The following BMPR1B variants were observed in gnomAD, a reference collection of about 807,000 sequenced individuals.
The protein encoded by BMPR1B is bone morphogenetic protein receptor type-1B.
Under a neutral mutation model 59.1 loss-of-function variants are expected in BMPR1B, and 12 were observed. That is an observed-to-expected ratio of 0.20 (90% CI 0.13 to 0.33). The LOEUF (loss-of-function observed/expected upper bound fraction) is 0.33. Among genes scored for constraint, BMPR1B ranks in the 10% least tolerant of loss-of-function variants. The probability of loss-of-function intolerance (pLI) is 1.00; values close to 1 mark genes in which losing one functional copy is unlikely to be tolerated. For synonymous variants in BMPR1B, 237 were observed against 207.3 expected, an observed-to-expected ratio of 1.14 and a Z score of -1.23; for missense variants, 550 against 610.9, an observed-to-expected ratio of 0.90 and a Z score of 1.05.
At chr4:95,090,797 A>C (rs545420019) in intron 3 of BMPR1B, among the ~76,000 whole-genome samples, 2 of 152,102 alleles carry the variant, frequency 1.3e-5, no homozygotes, top group Non-Finnish European at 2.9e-5. Flanking sequence ...TTTTAACCAT[A>C]TATGATGAAT....
At chr4:94,924,485 T>C (rs1179578946) in intron 2 of BMPR1B, among the ~76,000 whole-genome samples, 3 of 152,116 alleles carry the variant, frequency 2.0e-5, no homozygotes, top group African/African-American at 7.2e-5. Flanking sequence ...CCATCACTGC[T>C]CTCAAAACAA....
intron 3 of BMPR1B, among the ~76,000 whole-genome samples, chr4:95,077,309 C>T (rs1326273505): frequency 3.9e-5 from 6 of 152,082 alleles, no homozygotes; most frequent in Admixed American, 6.6e-5. Context: ...CTTAGCTCCA[C>T]CTTAAGACCC....
chr4:94,851,816 A>C (rs1023770879), intron 1 of BMPR1B, among the ~76,000 whole-genome samples: 19 of 152,308 alleles, frequency 1.2e-4, no homozygotes, highest in Non-Finnish European at 1.8e-4. Context: ...AAAATAAGGA[A>C]CCACAAGCAT....
chr4:94,984,280 A>G (rs1180822735), intron 2 of BMPR1B, among the ~76,000 whole-genome samples: 1 of 152,196 alleles, frequency 6.6e-6, no homozygotes, highest in Non-Finnish European at 1.5e-5. Flanking sequence ...ATTCAGATAG[A>G]TGCATTTTCC....
chr4:94,825,973 C>T (rs114991307), intron 1 of BMPR1B, among the ~76,000 whole-genome samples: 42 of 152,150 alleles, frequency 2.8e-4, no homozygotes, highest in African/African-American at 9.1e-4. Context: ...TTTTGCATTA[C>T]AGATATTACT....
rs143364715 is a variant in BMPR1B, at chr4:94,784,022, CCTT to C, written c.-183+25958_-183+25960del. On this transcript the variant is annotated intron_variant, in intron 1 of 12. Coordinates refer to ENST00000515059, the MANE Select transcript of BMPR1B (RefSeq NM_001203.3). ...ATGCTCAGAGACCATAGACTCTCAACCTTCTTACCAAGATTTAGTATGCTTCCT... is the reference window on the plus strand; with the variant it reads ...ATGCTCAGAGACCATAGACTCTCAACCTTACCAAGATTTAGTATGCTTCCT... 8.0e-3 allele frequency among the ~76,000 whole-genome samples: 1,220 copies of C among 152,260 alleles called. 13 individuals are homozygous for C. Among genetic ancestry groups the C allele is most frequent in the African/African-American group, 0.028 (1,167 of 41,530 alleles).
intron 1 of BMPR1B, among the ~76,000 whole-genome samples, chr4:94,764,854 C>T (rs1721910776): frequency 6.6e-6 from 1 of 152,056 alleles, no homozygotes; most frequent in African/African-American, 2.4e-5. Flanking sequence ...CTGTACTAGG[C>T]ATTGTGGATA....
chr4:94,975,173 A>G (rs1040002862), intron 2 of BMPR1B, among the ~76,000 whole-genome samples: 1 of 152,094 alleles, frequency 6.6e-6, no homozygotes, highest in Non-Finnish European at 1.5e-5. Flanking sequence ...ATGTGTCCTC[A>G]GCCAGAATAT....
rs138440436 is a variant in BMPR1B at position 94,940,754 on chromosome 4, T to G, written c.-112-55286T>G. ...GAATGTATTACCAAGCTCTATTACT[T>G]CTTCCTCTGTTGGTCTCCAGAATAG... On this transcript the variant is annotated intron_variant, in intron 2 of 12. Transcript: ENST00000515059. Among the ~76,000 whole-genome samples, 392 of 152,298 alleles carry G rather than the reference T, an allele frequency of 2.6e-3. 3 individuals are homozygous for G. The highest frequency in any genetic ancestry group is 9.0e-3 in the African/African-American group (376 of 41,572).
At chr4:94,889,389 G>A (rs1011961) in intron 2 of BMPR1B, among the ~76,000 whole-genome samples, 41,006 of 151,874 alleles carry the variant, frequency 0.27, 6,870 homozygotes, top group African/African-American at 0.47. Flanking sequence ...TAGTATCTCT[G>A]TTTTTCAGAT....
At chr4:94,925,929 A>G (rs1407294493) in intron 2 of BMPR1B, among the ~76,000 whole-genome samples, 1 of 151,926 alleles carries the variant, frequency 6.6e-6, no homozygotes, top group African/African-American at 2.4e-5. Flanking sequence ...TCACGCAGCA[A>G]AGATTACCTG....
intron 2 of BMPR1B, among the ~76,000 whole-genome samples, chr4:94,909,110 T>C (rs1055430622): frequency 1.3e-5 from 2 of 152,036 alleles, no homozygotes; most frequent in African/African-American, 4.8e-5. Flanking sequence ...TCACATGGCT[T>C]TCTTTATGTA....
chr4:95,117,855 A>G (rs776182692), intron 6 of BMPR1B, among the ~76,000 whole-genome samples: 21 of 152,178 alleles, frequency 1.4e-4, no homozygotes, highest in Non-Finnish European at 2.5e-4. Flanking sequence ...AGGAGTGTGA[A>G]GGTGAGAGAG....
intron 1 of BMPR1B, among the ~76,000 whole-genome samples, chr4:94,779,229 T>G (rs930410697): frequency 6.6e-6 from 1 of 152,170 alleles, no homozygotes; most frequent in Non-Finnish European, 1.5e-5. Context: ...ATGTATAACC[T>G]ATTGTCCAAA....
At position 94,796,306 on chromosome 4, in the gene BMPR1B, G is replaced by A. The variant is rs1049143137; in HGVS notation, c.-183+38238G>A. 2.0e-5 allele frequency among the ~76,000 whole-genome samples: 3 copies of A among 152,178 alleles called. No homozygotes were observed. In the East Asian group the frequency reaches 5.8e-4, roughly 29 times the overall value. ...TTAAAAAATACTATCTGATTCTGCA[G>A]ATGTGTCATGTACTTAGTAGTGTTT... On this transcript the variant is annotated intron_variant, in intron 1 of 12. Transcript: ENST00000515059.
intron 2 of BMPR1B, among the ~76,000 whole-genome samples, chr4:94,923,279 C>CGATGAGAA (rs1728771704): frequency 6.6e-6 from 1 of 151,750 alleles, no homozygotes; most frequent in South Asian, 2.1e-4. Context: ...TCCTATTTGC[C>CGATGAGAA]GATGAGAAAA....
intron 2 of BMPR1B, among the ~76,000 whole-genome samples, chr4:94,889,485 C>T (rs180761667): frequency 6.6e-6 from 1 of 152,178 alleles, no homozygotes; most frequent in Non-Finnish European, 1.5e-5. Flanking sequence ...CATGCATGTT[C>T]TCTCTGTACT....
intron 3 of BMPR1B, among the ~76,000 whole-genome samples, chr4:95,063,170 A>G (rs541110671): frequency 1.3e-5 from 2 of 152,320 alleles, no homozygotes; most frequent in African/African-American, 4.8e-5. Flanking sequence ...AGAAAGTGGC[A>G]TTCTTATAGT....
At chr4:94,950,634 T>C (rs1729896652) in intron 2 of BMPR1B, among the ~76,000 whole-genome samples, 1 of 152,172 alleles carries the variant, frequency 6.6e-6, no homozygotes, top group Non-Finnish European at 1.5e-5. Context: ...CCTCTGTTTC[T>C]GTTCCTTTGG....
Sources: allele counts gnomAD v4.1 joint callset (sites outside exome capture counted in the v4.1 genomes callset), GRCh38; gene constraint gnomAD v4.1.1; transcripts MANE v1.5; gene names NCBI Gene and HGNC (gene_info 2026-07-23, HGNC 2026-07-21).